The following ARHGAP31 variants were observed in gnomAD, a reference collection of about 807,000 sequenced individuals.
The protein encoded by ARHGAP31 is rho GTPase-activating protein 31.
Under a neutral mutation model 113.9 loss-of-function variants are expected in ARHGAP31, and 34 were observed. The ratio of observed to expected loss-of-function variants is 0.30; its 90% CI spans 0.23 to 0.40. The LOEUF (loss-of-function observed/expected upper bound fraction) is 0.40, where lower values mean the gene tolerates loss of function less well. Among genes scored for constraint, ARHGAP31 ranks in the 10% least tolerant of loss-of-function variants. The pLI, the probability that ARHGAP31 is intolerant of heterozygous loss-of-function variation, is 1.00. For synonymous variants in ARHGAP31, 650 were observed against 684.8 expected, an observed-to-expected ratio of 0.95 and a Z score of 0.79; for missense variants, 1,548 against 1,767.1, an observed-to-expected ratio of 0.88 and a Z score of 2.22.
chr3:119,301,051 C>T (rs758840863), intron 1 of ARHGAP31, among the ~76,000 whole-genome samples: 2 of 152,126 alleles, frequency 1.3e-5, no homozygotes, highest in Non-Finnish European at 2.9e-5. Flanking sequence ...AAACGTGGAG[C>T]AAACTGACTG....
intron 1 of ARHGAP31, among the ~76,000 whole-genome samples, chr3:119,353,361 G>T (rs994966786): frequency 2.6e-5 from 4 of 152,146 alleles, no homozygotes; most frequent in African/African-American, 9.7e-5. Flanking sequence ...TGCCTGTCTA[G>T]GGCCCTTAGC....
intron 1 of ARHGAP31, among the ~76,000 whole-genome samples, chr3:119,295,626 G>C (rs2107589610): frequency 6.6e-6 from 1 of 151,868 alleles, no homozygotes; most frequent in Non-Finnish European, 1.5e-5. Context: ...CCCTCCTCTT[G>C]GCTTTCAGAT....
chr3:119,325,670 G>T (rs906054592), intron 1 of ARHGAP31, among the ~76,000 whole-genome samples: 3 of 152,132 alleles, frequency 2.0e-5, no homozygotes, highest in South Asian at 2.1e-4. Flanking sequence ...GGGGGGAAGG[G>T]GGGGACGGAA....
chr3:119,308,617 G>C (rs1185909980), intron 1 of ARHGAP31, among the ~76,000 whole-genome samples: 1 of 152,110 alleles, frequency 6.6e-6, no homozygotes, highest in African/African-American at 2.4e-5. Flanking sequence ...TATAATCCAG[G>C]ACACTATCCC....
intron 1 of ARHGAP31, among the ~76,000 whole-genome samples, chr3:119,338,073 A>G (rs1279674808): frequency 1.3e-5 from 2 of 152,222 alleles, no homozygotes; most frequent in African/African-American, 2.4e-5. Flanking sequence ...AGTTTTAATA[A>G]TATGTATGCG....
At chr3:119,357,140 T>A (rs570979066) in intron 1 of ARHGAP31, among the ~76,000 whole-genome samples, 1 of 152,176 alleles carries the variant, frequency 6.6e-6, no homozygotes, top group Non-Finnish European at 1.5e-5. Context: ...TGGAATTGAA[T>A]TTAGATAATT....
At chr3:119,395,408 C>CT (rs1445658382) in intron 8 of ARHGAP31, among the ~76,000 whole-genome samples, 28 of 152,288 alleles carry the variant, frequency 1.8e-4, no homozygotes, top group African/African-American at 6.5e-4. Context: ...AATACAGGGG[C>CT]TCTGTCATGA....
chr3:119,393,478 C>G lies in ARHGAP31; in HGVS notation c.893C>G (p.Ser298Cys), dbSNP rs1491002341. The change falls in exon 8 of 12, where the codon TCC becomes TGC. Residue 298 changes from serine to cysteine, a missense_variant. By Grantham distance (112) the Ser-to-Cys change is moderately radical. Coordinates refer to ENST00000264245, the MANE Select transcript of ARHGAP31 (RefSeq NM_020754.4). ...LELPDNKRKL[S>C]SKSKKWKSIF... The stretch of plus-strand genomic sequence containing the variant: ...CTTGGTTCTTTTAGGCGAAAGCTCT[C>G]CAGTAAATCAAAGAAGTGGAAATCA... The G allele has an allele frequency of 2.5e-6, 4 of 1,614,012 alleles. No individual in the cohort carries two copies. The African/African-American group carries it at 5.3e-5, about 22-fold the overall frequency.
chr3:119,294,819 G>T lies in ARHGAP31; in HGVS notation c.-86G>T. The T allele has an allele frequency of 2.3e-6, 3 of 1,283,800 alleles. No individual in the cohort carries two copies. The South Asian group carries it at 3.6e-5, about 15-fold the overall frequency. The allele number at this position is 1,283,800 out of a possible 1,614,324, so 79.5% of individuals were successfully genotyped here. On this transcript the variant is annotated 5_prime_UTR_variant, in exon 1 of 12. Coordinates refer to ENST00000264245, the MANE Select transcript of ARHGAP31 (RefSeq NM_020754.4). ...GGCCCCCCAGAGCCGCGGGGCAGCC[G>T]GTGATCTAGCCCGGGAGCCCATCTT...
chr3:119,336,661 TTAACATA>T (rs2079951795), intron 1 of ARHGAP31, among the ~76,000 whole-genome samples: 2 of 151,684 alleles, frequency 1.3e-5, no homozygotes, highest in African/African-American at 4.8e-5. Flanking sequence ...TGAGATATAA[TTAACATA>T]CCACACAGCC....
chr3:119,414,056 T>C lies in ARHGAP31; in HGVS notation c.2127T>C (p.Ala709=). 6.2e-7 allele frequency: 1 copy of C among 1,614,126 alleles called. No individual in the cohort carries two copies. The highest frequency in any genetic ancestry group is 1.7e-5 in the Admixed American group (1 of 60,020). Reference sequence around the variant, plus strand: ...GCTTGCCTTGTGGCTCCTTCCCTGCTCCAGTCTCCACCCCTCTGGAGGTGT... The same window carrying C: ...GCTTGCCTTGTGGCTCCTTCCCTGCCCCAGTCTCCACCCCTCTGGAGGTGT... ...PGSLPCGSFP[A]PVSTPLEVWT... is the part of the protein sequence containing the mutation. The change falls in exon 12 of 12, where the codon GCT becomes GCC. Residue 709 remains alanine, a synonymous_variant. Coordinates refer to ENST00000264245, the MANE Select transcript of ARHGAP31 (RefSeq NM_020754.4).
chr3:119,393,580 A>G lies in ARHGAP31; in HGVS notation c.995A>G (p.Gln332Arg). The change falls in exon 8 of 12, where the codon CAG becomes CGG. Residue 332 changes from glutamine (Q) to arginine (R), a missense_variant. By Grantham distance (43) the Gln-to-Arg change is conservative (BLOSUM62 1). Transcript: ENST00000264245. ...AATGGGAGTGTATTTGTGAGAGGAC[A>G]GAGGCTCTCGGGTAAGAATCAACAG... Reference protein sequence around the residue: ...SRNGSVFVRGQRLSVEKATIR... With the variant: ...SRNGSVFVRGRRLSVEKATIR... The G allele has an allele frequency of 6.2e-7, 1 of 1,614,158 alleles. No homozygotes were observed. Among genetic ancestry groups the G allele is most frequent in the South Asian group, 1.1e-5 (1 of 91,080 alleles).
chr3:119,308,834 G>T (rs774578182), intron 1 of ARHGAP31, among the ~76,000 whole-genome samples: 11 of 152,052 alleles, frequency 7.2e-5, no homozygotes, highest in Non-Finnish European at 1.6e-4. Flanking sequence ...GTCATTATAT[G>T]ATTTTTTTTG....
Position 119,409,702 on chromosome 3 carries a change from G to C in ARHGAP31, c.1852G>C (p.Ala618Pro). The change falls in exon 11 of 12, where the codon GCT (alanine) becomes CCT (proline). Residue 618 changes from alanine (A) to proline (P), a missense_variant. Transcript: ENST00000264245. ...PEKVVEEGRE[A>P]GEMESSTLQE... ...GAAGGTGGTGGAGGAGGGACGAGAG[G>C]CTGGTGAGATGGAGTCCAGCACCCT... 6.2e-7 allele frequency: 1 copy of C among 1,610,404 alleles called. No homozygotes were observed. The highest frequency in any genetic ancestry group is 8.5e-7 in the Non-Finnish European group (1 of 1,178,444).
chr3:119,313,628 G>A (rs1232717934), intron 1 of ARHGAP31, among the ~76,000 whole-genome samples: 3 of 152,206 alleles, frequency 2.0e-5, no homozygotes, highest in African/African-American at 7.2e-5. Context: ...TGGACAGCTG[G>A]AGTTTAGGCC....
intron 1 of ARHGAP31, 39 bp from the exon 2 acceptor site, chr3:119,365,276 CA>C (rs758280117): frequency 1.6e-5 from 25 of 1,533,088 alleles, no homozygotes; most frequent in Non-Finnish European, 2.1e-5. Flanking sequence ...GGCAGACTTA[CA>C]TCTAATACTT....
At chr3:119,299,505 A>C (rs1362366089) in intron 1 of ARHGAP31, among the ~76,000 whole-genome samples, 2 of 152,212 alleles carry the variant, frequency 1.3e-5, no homozygotes, top group African/African-American at 4.8e-5. Flanking sequence ...ATATGACTTT[A>C]AGCTTGATGA....
intron 1 of ARHGAP31, among the ~76,000 whole-genome samples, chr3:119,312,436 G>A (rs73854473): frequency 0.015 from 2,343 of 152,154 alleles, 58 homozygotes; most frequent in African/African-American, 0.052. Flanking sequence ...CCGCCTCCTG[G>A]TCACGCTTCT....
intron 1 of ARHGAP31, among the ~76,000 whole-genome samples, chr3:119,311,813 A>T (rs762787587): frequency 2.6e-5 from 4 of 152,230 alleles, no homozygotes; most frequent in Non-Finnish European, 5.9e-5. Flanking sequence ...TCTTCAACTG[A>T]TTCTCACACA....
Sources: allele counts gnomAD v4.1 joint callset (sites outside exome capture counted in the v4.1 genomes callset), GRCh38; gene constraint gnomAD v4.1.1; transcripts MANE v1.5; gene names NCBI Gene and HGNC (gene_info 2026-07-23, HGNC 2026-07-21).